TRAPPC9: variants seen among roughly 807,000 people sequenced by gnomAD.
TRAPPC9 encodes the protein trafficking protein particle complex subunit 9, also known as IKK2 binding protein.
In TRAPPC9, 83 loss-of-function variants were observed where a neutral mutation model predicts 124.0. The ratio of observed to expected loss-of-function variants is 0.67; its 90% confidence interval spans 0.56 to 0.80. The LOEUF (loss-of-function observed/expected upper bound fraction) is 0.80. Among genes scored for constraint, TRAPPC9 ranks in the 30% least tolerant of loss-of-function variants. TRAPPC9 has a pLI of 0.00. For missense variants in TRAPPC9, 1,302 were observed against 1,508.3 expected (o/e 0.86, Z 2.27); for synonymous variants, 638 against 617.5 (o/e 1.03, Z -0.49).
At chr8:140,120,404 AT>A (rs910188317) in intron 17 of TRAPPC9, among the ~76,000 whole-genome samples, 3 of 152,262 alleles carry the variant, frequency 2.0e-5, no homozygotes, top group Admixed American at 2.0e-4. Flanking sequence ...AGCTGAGTTA[AT>A]TAATACAATA....
At chr8:140,348,617 C>CA (rs1454206457) in intron 9 of TRAPPC9, among the ~76,000 whole-genome samples, 4 of 151,732 alleles carry the variant, frequency 2.6e-5, no homozygotes, top group Admixed American at 6.6e-5. Flanking sequence ...AGAAAGGGAA[C>CA]AAAAAAAAGC....
intron 21 of TRAPPC9, among the ~76,000 whole-genome samples, chr8:139,873,993 C>T (rs1406246874): frequency 1.3e-5 from 2 of 152,342 alleles, no homozygotes; most frequent in Admixed American, 6.5e-5. Flanking sequence ...CCAGACTGAC[C>T]CACAGTCAGG....
chr8:140,000,415 CA>C (rs1444456090), intron 18 of TRAPPC9, among the ~76,000 whole-genome samples: 2 of 152,130 alleles, frequency 1.3e-5, no homozygotes, highest in Non-Finnish European at 2.9e-5. Flanking sequence ...TTCTGCACAG[CA>C]AAAGAAACTA....
At chr8:139,879,291 G>T (rs1829534985) in intron 21 of TRAPPC9, among the ~76,000 whole-genome samples, 1 of 152,216 alleles carries the variant, frequency 6.6e-6, no homozygotes, top group Non-Finnish European at 1.5e-5. Context: ...CCGAGACCTG[G>T]ATTCCACTGC....
chr8:140,435,239 A>C lies in TRAPPC9; in HGVS notation c.732T>G (p.Ala244=), dbSNP rs762493570. The C allele has an allele frequency of 6.2e-7, 1 of 1,613,486 alleles. No individual in the cohort carries two copies. The highest frequency in any genetic ancestry group is 8.5e-7 in the Non-Finnish European group (1 of 1,179,858). The change falls in exon 4 of 23, where the codon GCT becomes GCG. Residue 244 remains alanine, a splice_region_variant and synonymous_variant. Coordinates refer to ENST00000438773, the MANE Select transcript of TRAPPC9 (RefSeq NM_001160372.4). ...AAGCTGAACACAATCCTTCCAGGGC[A>C]GCTGGGCATTAAGAAAACAAAAAAC... ...RSVNDFLWLG[A]ALEGLCSASV... is the part of the protein sequence containing the mutation.
In TRAPPC9 at chr8:140,197,543, C is replaced by G. The variant is rs111289615; in HGVS notation, c.2556+23916G>C. On this transcript the variant is annotated intron_variant, in intron 17 of 22. Coordinates refer to ENST00000438773, the MANE Select transcript of TRAPPC9 (RefSeq NM_001160372.4). The stretch of plus-strand genomic sequence containing the variant: ...GTTTTGCTGTTTGGATGGTATGCAG[C>G]CCTGCTATTGAGATGCATCTGCCTC... Among the ~76,000 whole-genome samples, 6 of 152,220 alleles carry G rather than the reference C, an allele frequency of 3.9e-5. 1 individual carries two copies. Among genetic ancestry groups the G allele is most frequent in the African/African-American group, 1.4e-4 (6 of 41,536 alleles).
At chr8:140,397,512 T>C (rs2069131095) in intron 7 of TRAPPC9, 108 bp downstream of exon 7, 18 of 1,286,356 alleles carry the variant, frequency 1.4e-5, no homozygotes, top group Non-Finnish European at 2.0e-5. Flanking sequence ...CAACAGTTTT[T>C]ATCATGGCAT....
At chr8:139,845,609 A>G (rs1306922803) in intron 21 of TRAPPC9, among the ~76,000 whole-genome samples, 1 of 152,096 alleles carries the variant, frequency 6.6e-6, no homozygotes, top group African/African-American at 2.4e-5. Context: ...CCGGGGAGGG[A>G]GTGCCTTCCT....
intron 17 of TRAPPC9, among the ~76,000 whole-genome samples, chr8:140,051,095 C>T (rs1284844982): frequency 6.6e-6 from 1 of 152,256 alleles, no homozygotes; most frequent in Non-Finnish European, 1.5e-5. Flanking sequence ...CTACAGATAG[C>T]ATCCTTAAAG....
rs189211071 is a variant in TRAPPC9, at chr8:140,182,395, C to T, written c.2556+39064G>A. Among the ~76,000 whole-genome samples the T allele has an allele frequency of 3.4e-4, 52 of 151,332 alleles. No homozygotes were observed. The highest frequency in any genetic ancestry group is 1.2e-3 in the African/African-American group (48 of 41,286). On this transcript the variant is annotated intron_variant, in intron 17 of 22. Transcript: ENST00000438773. This position sits in a 1 kb window ranked among gnomAD's most constrained non-coding sequence, Gnocchi z 4.0. The stretch of plus-strand genomic sequence containing the variant: ...AAGTAACTGCCCACTACTCTAAATT[C>T]GATTTCACAAATATGTTTGAGAATG...
intron 21 of TRAPPC9, among the ~76,000 whole-genome samples, chr8:139,793,256 A>G (rs374393013): frequency 6.6e-6 from 1 of 152,062 alleles, no homozygotes; most frequent in Non-Finnish European, 1.5e-5. Context: ...CTCTGTCCCA[A>G]CCAGACTCCT....
chr8:139,967,950 C>T (rs567670271), intron 19 of TRAPPC9, among the ~76,000 whole-genome samples: 3 of 152,104 alleles, frequency 2.0e-5, no homozygotes, highest in African/African-American at 7.2e-5. Context: ...ACCAGTCTGG[C>T]GAACATGGTG....
At chr8:140,207,716 T>A (rs2062960204) in intron 17 of TRAPPC9, among the ~76,000 whole-genome samples, 1 of 152,226 alleles carries the variant, frequency 6.6e-6, no homozygotes, top group African/African-American at 2.4e-5. Flanking sequence ...TTTCTGAGAA[T>A]CCTGGTGTTT....
chr8:140,407,404 T>C (rs1215852483), intron 5 of TRAPPC9, among the ~76,000 whole-genome samples: 1 of 151,984 alleles, frequency 6.6e-6, no homozygotes, highest in Non-Finnish European at 1.5e-5. Flanking sequence ...ACTCTCTTTT[T>C]TTCCCTTGGA....
intron 21 of TRAPPC9, among the ~76,000 whole-genome samples, chr8:139,740,492 G>A (rs1818480055): frequency 6.6e-6 from 1 of 152,228 alleles, no homozygotes; most frequent in Non-Finnish European, 1.5e-5. Context: ...GCTGGTCGAG[G>A]CTCACAGGTG....
chr8:140,409,556 A>T (rs1490685109), intron 5 of TRAPPC9, among the ~76,000 whole-genome samples: 1 of 152,202 alleles, frequency 6.6e-6, no homozygotes, highest in East Asian at 1.9e-4. Context: ...ACAATCAAAC[A>T]TCCACATGCA....
chr8:140,239,080 C>T (rs2063795739), intron 16 of TRAPPC9, among the ~76,000 whole-genome samples: 1 of 152,182 alleles, frequency 6.6e-6, no homozygotes, highest in Non-Finnish European at 1.5e-5. Flanking sequence ...GAGCAGCTGG[C>T]TTGGGGGCAC....
intron 21 of TRAPPC9, among the ~76,000 whole-genome samples, chr8:139,819,828 A>C (rs1364309146): frequency 1.3e-5 from 2 of 151,926 alleles, no homozygotes; most frequent in Non-Finnish European, 2.9e-5. Flanking sequence ...CCTGGCTAAC[A>C]CAGTGAAACC....
intron 6 of TRAPPC9, among the ~76,000 whole-genome samples, chr8:140,399,421 C>T (rs2132395846): frequency 6.6e-6 from 1 of 152,334 alleles, no homozygotes; most frequent in East Asian, 1.9e-4. Context: ...CTGTACCCTG[C>T]AAAGCCACAG....
Sources: allele counts gnomAD v4.1 joint callset (sites outside exome capture counted in the v4.1 genomes callset), GRCh38; gene constraint gnomAD v4.1.1; non-coding constraint Gnocchi (gnomAD v3.1); transcripts MANE v1.5; gene names NCBI Gene and HGNC (gene_info 2026-07-23, HGNC 2026-07-21).